The following SNRNP200 variants were observed in gnomAD, a reference collection of about 807,000 sequenced individuals.
The protein encoded by SNRNP200 is U5 small nuclear ribonucleoprotein 200 kDa helicase.
In SNRNP200, 66 loss-of-function variants were observed where a neutral mutation model predicts 255.2. That is an observed-to-expected ratio of 0.26 (90% CI 0.21 to 0.32). The LOEUF is 0.32. Among genes scored for constraint, SNRNP200 ranks in the 10% least tolerant of loss-of-function variants. The pLI, the probability that SNRNP200 is intolerant of heterozygous loss-of-function variation, is 1.00. For missense variants in SNRNP200, 1,585 were observed against 2,749.8 expected (o/e 0.58, Z 9.47); for synonymous variants, 939 against 1,027.8 (o/e 0.91, Z 1.65).
chr2:96,301,508 T>C lies in SNRNP200; in HGVS notation c.574+16A>G. On this transcript the variant is annotated intron_variant, in intron 4 of 44. Transcript: ENST00000323853. Reference sequence around the variant, plus strand: ...ACAACCAATGAACATGATCAGAACATAAAGCGCGCACTTACCCATATTTTG... The same window carrying C: ...ACAACCAATGAACATGATCAGAACACAAAGCGCGCACTTACCCATATTTTG... 6.2e-7 allele frequency: 1 copy of C among 1,613,800 alleles called. No individual in the cohort carries two copies. The highest frequency in any genetic ancestry group is 8.5e-7 in the Non-Finnish European group (1 of 1,179,712).
At chr2:96,292,829 T>G in intron 16 of SNRNP200, 143 bp downstream of exon 16, 1 of 918,070 alleles carries the variant, frequency 1.1e-6, no homozygotes, top group East Asian at 2.6e-5. Context: ...ATAGGTTCTG[T>G]AGTAATATCC....
At chr2:96,303,403 C>T (rs1167038263) in intron 2 of SNRNP200, 73 bp from the exon 3 acceptor site, 2 of 1,542,058 alleles carry the variant, frequency 1.3e-6, no homozygotes, top group Non-Finnish European at 1.8e-6. Context: ...CAAGCCCACC[C>T]TCCTCTCCTC....
At chr2:96,298,165 A>T (rs376682792) in intron 9 of SNRNP200, 119 bp downstream of exon 9, 2 of 1,483,188 alleles carry the variant, frequency 1.3e-6, no homozygotes, top group Non-Finnish European at 1.9e-6. Context: ...GATAAACCCC[A>T]AAGAATTTAG....
In SNRNP200 at chr2:96,290,648, G is replaced by T; in HGVS notation, c.2553+36C>A. ...TCCCTGCATTTCAGGCAAGGATACT[G>T]ATCCCTGCTGAGAATAAACTCAAAA... On this transcript the variant is annotated intron_variant, in intron 19 of 44. Transcript: ENST00000323853. This position sits in a 1 kb window ranked among gnomAD's most constrained non-coding sequence, Gnocchi z 4.5. The T allele has an allele frequency of 6.2e-7, 1 of 1,613,972 alleles. No individual in the cohort carries two copies. The highest frequency in any genetic ancestry group is 1.1e-5 in the South Asian group (1 of 91,068).
intron 3 of SNRNP200, among the ~76,000 whole-genome samples, chr2:96,302,154 C>T (rs2063957672): frequency 6.7e-6 from 1 of 150,368 alleles, no homozygotes; most frequent in African/African-American, 2.5e-5. Flanking sequence ...CTGCCAAATA[C>T]TACTTCTGTG....
At chr2:96,284,753 T>TC (rs1243230849) in intron 30 of SNRNP200, 168 bp from the exon 31 acceptor site, 9 of 624,570 alleles carry the variant, frequency 1.4e-5, no homozygotes, top group Non-Finnish European at 2.3e-5. Flanking sequence ...CTTTTTCTTT[T>TC]TTTTTTTTCT....
At position 96,283,726 on chromosome 2, in the gene SNRNP200, G is replaced by A. The variant is rs757275336; in HGVS notation, c.4585-13C>T. Reference sequence around the variant, plus strand: ...TGATGTTGAAGCCCTGGCGACCGGGGAGAAGAAAAGACACCAAGGTTATCA... The same window carrying A: ...TGATGTTGAAGCCCTGGCGACCGGGAAGAAGAAAAGACACCAAGGTTATCA... On this transcript the variant is annotated splice_polypyrimidine_tract_variant and intron_variant, in intron 32 of 44. Coordinates refer to ENST00000323853, the MANE Select transcript of SNRNP200 (RefSeq NM_014014.5). The surrounding 1 kb of genome is among the most constrained non-coding windows in gnomAD (Gnocchi z 4.7). 1.2e-6 allele frequency: 2 copies of A among 1,614,076 alleles called. No individual in the cohort carries two copies. Among genetic ancestry groups the A allele is most frequent in the Admixed American group, 1.7e-5 (1 of 60,026 alleles).
rs560217908 is a variant in SNRNP200, at chr2:96,300,985, G to A, written c.630+13C>T. The stretch of plus-strand genomic sequence containing the variant: ...TCAAAAACAAGAATGGACTGGGTAT[G>A]TTTATCACTCACCTCCTCATCAGAC... On this transcript the variant is annotated intron_variant, in intron 5 of 44. Coordinates refer to ENST00000323853, the MANE Select transcript of SNRNP200 (RefSeq NM_014014.5). The A allele has an allele frequency of 6.2e-7, 1 of 1,611,584 alleles. No homozygotes were observed. The highest frequency in any genetic ancestry group is 2.2e-5 in the East Asian group (1 of 44,864).
In SNRNP200 at chr2:96,278,132, G is replaced by C; in HGVS notation, c.5610+105C>G. ...AGCGGGAGGACATATGGCGGGGGTC[G>C]GGGGATGCGTATGGGCGTGTTGGTG... On this transcript the variant is annotated intron_variant, in intron 39 of 44. Transcript: ENST00000323853. This position sits in a 1 kb window ranked among gnomAD's most constrained non-coding sequence, Gnocchi z 6.9. 1 of 1,569,926 alleles carries C rather than the reference G, an allele frequency of 6.4e-7. No individual in the cohort carries two copies. Among genetic ancestry groups the C allele is most frequent in the South Asian group, 1.1e-5 (1 of 89,578 alleles).
chr2:96,279,102 CTA>C lies in SNRNP200; in HGVS notation c.5134-106_5134-105del, dbSNP rs953083012. The C allele has an allele frequency of 3.3e-6, 3 of 907,314 alleles. No homozygotes were observed. The African/African-American group carries it at 4.9e-5, about 15-fold the overall frequency. The allele number at this position is 907,314 out of a possible 1,614,324, so 56.2% of individuals were successfully genotyped here. A position where few individuals can be genotyped will look rare whatever the true frequency, so the allele number is the denominator to read the frequency against. On this transcript the variant is annotated intron_variant, in intron 36 of 44. Coordinates refer to ENST00000323853, the MANE Select transcript of SNRNP200 (RefSeq NM_014014.5). ...GGCATGGTCCCTGTGTGAGACCTAACTAATACCAAAATGGAAGAAGCCACACA... is the reference window on the plus strand; with the variant it reads ...GGCATGGTCCCTGTGTGAGACCTAACATACCAAAATGGAAGAAGCCACACA...
Position 96,279,652 on chromosome 2 carries a change from T to C in SNRNP200, c.5025-93A>G. The C allele has an allele frequency of 5.2e-6, 4 of 764,314 alleles. No homozygotes were observed. In the East Asian group the frequency reaches 8.0e-5, roughly 15 times the overall value. The allele number at this position is 764,314 out of a possible 1,614,324, so 47.3% of individuals were successfully genotyped here. A position where few individuals can be genotyped will look rare whatever the true frequency, so the allele number is the denominator to read the frequency against. Reference sequence around the variant, plus strand: ...CTCCCTTCGCCAAGTAAGAGTAAAATGTTAATACGGGGAGACACGGACAAA... The same window carrying C: ...CTCCCTTCGCCAAGTAAGAGTAAAACGTTAATACGGGGAGACACGGACAAA... On this transcript the variant is annotated intron_variant, in intron 35 of 44. Transcript: ENST00000323853.
At chr2:96,282,785 T>A (rs976679452) in intron 34 of SNRNP200, 14 of 307,210 alleles carry the variant, frequency 4.6e-5, no homozygotes, top group African/African-American at 3.0e-4. Context: ...ACACCATGTT[T>A]CATGTACAGC....
At position 96,293,111 on chromosome 2, in the gene SNRNP200, T is replaced by C. The variant is rs1479446828; in HGVS notation, c.2037-16A>G. On this transcript the variant is annotated splice_polypyrimidine_tract_variant and intron_variant, in intron 15 of 44. Coordinates refer to ENST00000323853, the MANE Select transcript of SNRNP200 (RefSeq NM_014014.5). ...TGGACGGAAGCTAGAAGTTCAACAG[T>C]TAGACAAATGAGGCTTTGGCAGAAA... 1 of 1,614,132 alleles carries C rather than the reference T, an allele frequency of 6.2e-7. No individual in the cohort carries two copies. The highest frequency in any genetic ancestry group is 1.7e-5 in the Admixed American group (1 of 60,020).
chr2:96,278,423 C>CTCCCCTGCTG lies in SNRNP200; in HGVS notation c.5489-75_5489-66dup. 6.2e-7 allele frequency: 1 copy of CTCCCCTGCTG among 1,612,722 alleles called. No individual in the cohort carries two copies. Among genetic ancestry groups the CTCCCCTGCTG allele is most frequent in the Non-Finnish European group, 8.5e-7 (1 of 1,179,824 alleles). ...CAGAGAAGGAGCAGAACTGCCCGGG[C>CTCCCCTGCTG]TCCCCTGCTGTCCCCTGCAGTGTCA... On this transcript the variant is annotated intron_variant, in intron 38 of 44. Transcript: ENST00000323853. This position sits in a 1 kb window ranked among gnomAD's most constrained non-coding sequence, Gnocchi z 6.9.
intron 23 of SNRNP200, 124 bp from the exon 24 acceptor site, chr2:96,288,870 C>G: frequency 9.7e-7 from 1 of 1,027,494 alleles, no homozygotes; most frequent in South Asian, 1.3e-5. Context: ...TTTACAAATA[C>G]TAAATAATTG....
rs1212993215 is a variant in SNRNP200 at position 96,277,276 on chromosome 2, A to C, written c.5932-35T>G. ...GTATTCAGACGTCAGGAAAGAGAGAACACGGGCCAACAGCAAATGACACAG... is the reference window on the plus strand; with the variant it reads ...GTATTCAGACGTCAGGAAAGAGAGACCACGGGCCAACAGCAAATGACACAG... On this transcript the variant is annotated intron_variant, in intron 41 of 44. Coordinates refer to ENST00000323853, the MANE Select transcript of SNRNP200 (RefSeq NM_014014.5). The surrounding 1 kb of genome is among the most constrained non-coding windows in gnomAD (Gnocchi z 4.4). 3.1e-6 allele frequency: 5 copies of C among 1,610,396 alleles called. No homozygotes were observed. The highest frequency in any genetic ancestry group is 4.2e-6 in the Non-Finnish European group (5 of 1,176,870).
At chr2:96,279,752 A>G in intron 35 of SNRNP200, 193 bp from the exon 36 acceptor site, 1 of 601,908 alleles carries the variant, frequency 1.7e-6, no homozygotes, top group South Asian at 1.7e-5. Context: ...ACATTTTAGT[A>G]TTCAGTGTAA....
At position 96,290,338 on chromosome 2, in the gene SNRNP200, G is replaced by A. The variant is rs1368772370; in HGVS notation, c.2730C>T (p.Val910=). 8.7e-6 allele frequency: 14 copies of A among 1,613,908 alleles called. No individual in the cohort carries two copies. The highest frequency in any genetic ancestry group is 1.2e-5 in the Non-Finnish European group (14 of 1,180,036). The change falls in exon 20 of 45, where the codon GTC becomes GTT. Residue 910 remains valine (V), a synonymous_variant. Transcript: ENST00000323853. The surrounding 1 kb of genome is among the most constrained non-coding windows in gnomAD (Gnocchi z 4.5). ...AGTCCTCCCCTACCTTGGCATTCTG[G>A]ACATTTCCTAGCACGATTTCTGCAT... ...MLNAEIVLGN[V]QNAKDAVNWL...
rs957346943 is a variant in SNRNP200, at chr2:96,278,468, C to T, written c.5488+79G>A. ...GTGTCATCCCGCTGACAAACACGGG[C>T]GCACCTCTCATCCCAGTGGGCTCCT... is the stretch of plus-strand genomic sequence containing the variant. On this transcript the variant is annotated intron_variant, in intron 38 of 44. Transcript: ENST00000323853. The surrounding 1 kb of genome is among the most constrained non-coding windows in gnomAD (Gnocchi z 6.9). 1.0e-4 allele frequency: 168 copies of T among 1,610,088 alleles called. 1 individual carries two copies. Among genetic ancestry groups the T allele is most frequent in the Admixed American group, 9.5e-4 (57 of 60,004 alleles).
Sources: allele counts gnomAD v4.1 joint callset (sites outside exome capture counted in the v4.1 genomes callset), GRCh38; gene constraint gnomAD v4.1.1; non-coding constraint Gnocchi (gnomAD v3.1); transcripts MANE v1.5; gene names NCBI Gene and HGNC (gene_info 2026-07-23, HGNC 2026-07-21).